The following LINGO1 variants were observed in gnomAD, a reference collection of about 807,000 sequenced individuals.
LINGO1 encodes the protein leucine rich repeat and Ig domain containing 1, also known as leucine-rich repeat and immunoglobulin-like domain-containing nogo receptor-interacting protein 1.
A neutral mutation model predicts 37.3 loss-of-function variants in LINGO1; 11 were observed. The ratio of observed to expected loss-of-function variants is 0.29; its 90% CI spans 0.19 to 0.49. The LOEUF (loss-of-function observed/expected upper bound fraction) is 0.49. Ranked by LOEUF, LINGO1 falls within the 20% of genes least tolerant of loss-of-function variation. The pLI is 0.99. For synonymous variants in LINGO1, 387 were observed against 403.0 expected (o/e 0.96, Z 0.48); for missense variants, 585 against 878.2 (o/e 0.67, Z 4.22).
chr15:77,668,692 C>T (rs1237920933), intron 3 of LINGO1, among the ~76,000 whole-genome samples: 1 of 151,992 alleles, frequency 6.6e-6, no homozygotes, highest in East Asian at 1.9e-4. Flanking sequence ...CACACAGAAG[C>T]ACAGCCCCAG....
intron 3 of LINGO1, among the ~76,000 whole-genome samples, chr15:77,674,337 G>A (rs916513281): frequency 2.0e-5 from 3 of 152,062 alleles, no homozygotes; most frequent in Non-Finnish European, 4.4e-5. Flanking sequence ...GCCTCCTGTC[G>A]GATCTCCCTG....
At chr15:77,758,053 A>G (rs1311331693) in intron 1 of LINGO1, among the ~76,000 whole-genome samples, 2 of 152,214 alleles carry the variant, frequency 1.3e-5, no homozygotes, top group African/African-American at 4.8e-5. Flanking sequence ...AAGTGAGGCT[A>G]ATTTAAACAT....
At chr15:77,786,373 A>C (rs1036991229) in intron 1 of LINGO1, among the ~76,000 whole-genome samples, 19 of 152,174 alleles carry the variant, frequency 1.2e-4, no homozygotes, top group Non-Finnish European at 2.2e-4. Context: ...GCAGCCAATC[A>C]GGACACCTCA....
intron 1 of LINGO1, among the ~76,000 whole-genome samples, chr15:77,735,410 A>C (rs1434615969): frequency 1.3e-5 from 2 of 152,234 alleles, no homozygotes; most frequent in Non-Finnish European, 2.9e-5. Flanking sequence ...GTTCCTGGAC[A>C]CACAGGGCTG....
upstream of LINGO1, among the ~76,000 whole-genome samples, chr15:77,789,121 A>C (rs1056704222): frequency 2.4e-4 from 7 of 29,304 alleles, no homozygotes; most frequent in Non-Finnish European, 5.0e-4. Flanking sequence ...TGAAAATCAT[A>C]GCTCTAGTCG....
At chr15:77,723,490 CGT>C (rs1305250491) in intron 2 of LINGO1, among the ~76,000 whole-genome samples, 1 of 152,222 alleles carries the variant, frequency 6.6e-6, no homozygotes, top group Non-Finnish European at 1.5e-5. Context: ...GTGCCCGGCA[CGT>C]GTCCCAGGCT....
chr15:77,664,168 T>C (rs557146809), intron 3 of LINGO1, among the ~76,000 whole-genome samples: 8,828 of 120,114 alleles, frequency 0.073, 330 homozygotes, highest in African/African-American at 0.13. Flanking sequence ...TGTGTGTGTG[T>C]GTGCGCGCGC....
chr15:77,614,683 C>A lies in LINGO1; in HGVS notation c.1224G>T (p.Lys408Asn), dbSNP rs780007286. The A allele has an allele frequency of 1.2e-6, 2 of 1,611,690 alleles. No individual in the cohort carries two copies. Among genetic ancestry groups the A allele is most frequent in the Non-Finnish European group, 1.7e-6 (2 of 1,178,968 alleles). The stretch of plus-strand genomic sequence containing the variant: ...TGGGCAGTAGCACATCAGGGAAGTC[C>A]TTGAACTCCTTGCCCTGGACAAACT... ...TPEFVQGKEF[K>N]DFPDVLLPNY... The change falls in exon 2 of 2, where the codon AAG (lysine) becomes AAT (asparagine). Residue 408 changes from lysine to asparagine, a missense_variant. This residue lies in a region of LINGO1 where 484 missense variants were observed against 735.0 expected (regional missense o/e 0.66). Transcript: ENST00000355300.
intron 1 of LINGO1, among the ~76,000 whole-genome samples, chr15:77,616,697 C>T (rs1039112703): frequency 6.6e-6 from 1 of 152,172 alleles, no homozygotes; most frequent in Non-Finnish European, 1.5e-5. Flanking sequence ...CCTCTGGGTC[C>T]CATCGGTGAC....
chr15:77,658,265 T>C (rs2074911085), intron 3 of LINGO1, among the ~76,000 whole-genome samples: 1 of 152,138 alleles, frequency 6.6e-6, no homozygotes, highest in Non-Finnish European at 1.5e-5. Flanking sequence ...GCACTGGGGC[T>C]TGGAGAGCCC....
rs542750424 is a variant in LINGO1 at position 77,814,001 on chromosome 15, C to A, written c.-458+6257G>T. Among the ~76,000 whole-genome samples, 241 of 152,100 alleles carry A rather than the reference C, an allele frequency of 1.6e-3. 1 individual carries two copies. Among genetic ancestry groups the A allele is most frequent in the Non-Finnish European group, 2.6e-3 (175 of 67,972 alleles). ...TGGGCTCTCCTGCCCCCTAGGAAGC[C>A]CCCCCAATCTCAGCCCCTCCCTGTG... On this transcript the variant is annotated intron_variant, in intron 1 of 5. Transcript: ENST00000562933.
intron 1 of LINGO1, among the ~76,000 whole-genome samples, chr15:77,783,635 C>T (rs949549998): frequency 6.6e-6 from 1 of 152,214 alleles, no homozygotes; most frequent in African/African-American, 2.4e-5. Context: ...CAGGTCCCAA[C>T]CTCTAGGACG....
chr15:77,661,892 C>T (rs1201927528), intron 3 of LINGO1, among the ~76,000 whole-genome samples: 1 of 152,182 alleles, frequency 6.6e-6, no homozygotes, highest in Non-Finnish European at 1.5e-5. Context: ...CTTCCAGGGC[C>T]CATGGTCTGG....
chr15:77,632,274 G>C lies in LINGO1; in HGVS notation c.6+36C>G. 1 of 1,396,026 alleles carries C rather than the reference G, an allele frequency of 7.2e-7. No homozygotes were observed. The highest frequency in any genetic ancestry group is 9.3e-7 in the Non-Finnish European group (1 of 1,077,120). The allele number at this position is 1,396,026 out of a possible 1,614,324, so 86.5% of individuals were successfully genotyped here. ...CCCCAGGGGCACTCGCCGCGGGGCT[G>C]CCCGCTCGGGGCTCGGCCGCGGCCG... On this transcript the variant is annotated intron_variant, in intron 1 of 1. Coordinates refer to ENST00000355300, the MANE Select transcript of LINGO1 (RefSeq NM_032808.7). This position sits in a 1 kb window ranked among gnomAD's most constrained non-coding sequence, Gnocchi z 6.0.
At chr15:77,628,675 CAG>C (rs1297600772) in intron 1 of LINGO1, among the ~76,000 whole-genome samples, 1 of 152,122 alleles carries the variant, frequency 6.6e-6, no homozygotes, top group Non-Finnish European at 1.5e-5. Flanking sequence ...AGTAGGGTAA[CAG>C]TGTTCATTAT....
At chr15:77,791,869 C>G (rs2076821124), upstream of LINGO1, among the ~76,000 whole-genome samples, 1 of 152,072 alleles carries the variant, frequency 6.6e-6, no homozygotes, top group Non-Finnish European at 1.5e-5. Context: ...AGCAGTTTCT[C>G]CAGGCTGGTA....
chr15:77,735,195 A>AC (rs35138632), intron 1 of LINGO1: 10,723 of 152,320 alleles, frequency 0.07, 446 homozygotes, highest in Middle Eastern at 0.13. Flanking sequence ...GGAGACCTGG[A>AC]CCCTGCCCTC....
At chr15:77,727,564 G>T (rs2141325160) in intron 2 of LINGO1, among the ~76,000 whole-genome samples, 1 of 152,294 alleles carries the variant, frequency 6.6e-6, no homozygotes, top group Non-Finnish European at 1.5e-5. Context: ...TAGCAGGAAG[G>T]CTGCCAGGGG....
At chr15:77,639,550 C>T (rs374511000) in intron 3 of LINGO1, among the ~76,000 whole-genome samples, 4 of 151,748 alleles carry the variant, frequency 2.6e-5, no homozygotes, top group African/African-American at 7.3e-5. Context: ...ATTGTTATAG[C>T]GAAAAACAGG....
Sources: gnomAD v4.1 joint callset for allele counts (sites outside exome capture counted in the v4.1 genomes callset) on GRCh38, gnomAD v4.1.1 for gene constraint, gnomAD v4.1.1 regional missense constraint, Gnocchi (gnomAD v3.1) non-coding constraint, MANE v1.5 for transcripts, NCBI Gene and HGNC (gene_info 2026-07-23, HGNC 2026-07-21) for gene names.